The following CDH12 variants were observed in gnomAD, a reference collection of about 807,000 sequenced individuals.
The protein encoded by CDH12 is cadherin 12.
A neutral mutation model predicts 74.1 loss-of-function variants in CDH12; 41 were observed. The observed-to-expected ratio is 0.55, with a 90% confidence interval of 0.43 to 0.72. CDH12 has a LOEUF of 0.72. Among genes scored for constraint, CDH12 ranks in the 30% least tolerant of loss-of-function variants. CDH12 has a pLI of 0.00. For synonymous variants in CDH12, 399 were observed against 355.0 expected, an observed-to-expected ratio of 1.12 and a Z score of -1.39; for missense variants, 945 against 977.2, an observed-to-expected ratio of 0.97 and a Z score of 0.44.
intron 2 of CDH12, among the ~76,000 whole-genome samples, chr5:22,418,080 G>A (rs1743476298): frequency 6.6e-6 from 1 of 152,162 alleles, no homozygotes; most frequent in Non-Finnish European, 1.5e-5. Context: ...TCCTACCCAT[G>A]AGACTGGAAT....
chr5:22,119,802 CT>C (rs1317421574), intron 4 of CDH12, among the ~76,000 whole-genome samples: 1 of 152,108 alleles, frequency 6.6e-6, no homozygotes, highest in African/African-American at 2.4e-5. Flanking sequence ...ATATATCTAA[CT>C]TTCAAATGGC....
chr5:22,339,320 T>A (rs971072940), intron 3 of CDH12, among the ~76,000 whole-genome samples: 1 of 152,206 alleles, frequency 6.6e-6, no homozygotes, highest in East Asian at 1.9e-4. Flanking sequence ...GTGTTTTAAG[T>A]GTTACTTAAA....
At chr5:21,752,323 G>T in intron 14 of CDH12, 87 bp from the exon 15 acceptor site, 3 of 1,257,458 alleles carry the variant, frequency 2.4e-6, no homozygotes, top group Non-Finnish European at 3.3e-6. Flanking sequence ...GATTAGGGGT[G>T]GCTGAGTTTC....
intron 10 of CDH12, among the ~76,000 whole-genome samples, chr5:21,799,573 A>T (rs1162898057): frequency 6.6e-6 from 1 of 152,190 alleles, no homozygotes; most frequent in Non-Finnish European, 1.5e-5. Flanking sequence ...AATAGCAGAA[A>T]CACTGCCAGC....
At chr5:22,809,786 T>G (rs1749041401) in intron 1 of CDH12, among the ~76,000 whole-genome samples, 1 of 152,078 alleles carries the variant, frequency 6.6e-6, no homozygotes, top group African/African-American at 2.4e-5. Flanking sequence ...CTAAACACTT[T>G]AATAACTTGG....
intron 1 of CDH12, among the ~76,000 whole-genome samples, chr5:22,543,392 AG>A (rs1422778954): frequency 2.0e-5 from 3 of 152,184 alleles, no homozygotes; most frequent in Admixed American, 2.0e-4. Flanking sequence ...GATTATAAAA[AG>A]CCTAGCAGAA....
At chr5:21,985,265 TTCTA>T in intron 5 of CDH12, among the ~76,000 whole-genome samples, 1 of 152,208 alleles carries the variant, frequency 6.6e-6, no homozygotes, top group East Asian at 1.9e-4. Context: ...ATCTTTATTG[TTCTA>T]TCTGTTTTAC....
At chr5:22,640,373 A>G (rs933584834) in intron 1 of CDH12, among the ~76,000 whole-genome samples, 3 of 152,196 alleles carry the variant, frequency 2.0e-5, no homozygotes, top group Admixed American at 1.3e-4. Flanking sequence ...CTTAAAACAC[A>G]TATCTCCTAT....
chr5:22,692,786 T>C lies in CDH12; in HGVS notation c.-523+160272A>G, dbSNP rs1742152509. 1.3e-5 allele frequency among the ~76,000 whole-genome samples: 2 copies of C among 152,138 alleles called. 1 individual carries two copies. Among genetic ancestry groups the C allele is most frequent in the South Asian group, 4.1e-4 (2 of 4,826 alleles). On this transcript the variant is annotated intron_variant, in intron 1 of 14. Coordinates refer to ENST00000382254, the MANE Select transcript of CDH12 (RefSeq NM_004061.5). ...GCATGTTCAAATTACATTTGTAAAA[T>C]TGCATTCAAGACCAGAGTTAAGCTT...
rs114223952 is a variant in CDH12, at chr5:21,927,650, G to A, written c.526+47441C>T. Reference sequence around the variant, plus strand: ...ATTCATAATAGTGTTTAGTGTGTGGGGGAAGGAGTAAATTATTAAATTATT... The same window carrying A: ...ATTCATAATAGTGTTTAGTGTGTGGAGGAAGGAGTAAATTATTAAATTATT... On this transcript the variant is annotated intron_variant, in intron 6 of 14. Transcript: ENST00000382254. 7.8e-3 allele frequency among the ~76,000 whole-genome samples: 1,183 copies of A among 152,124 alleles called. 17 individuals carry two copies. The highest frequency in any genetic ancestry group is 0.027 in the African/African-American group (1,121 of 41,516).
intron 12 of CDH12, among the ~76,000 whole-genome samples, chr5:21,763,200 G>A (rs1744824646): frequency 6.6e-6 from 1 of 152,136 alleles, no homozygotes; most frequent in Non-Finnish European, 1.5e-5. Flanking sequence ...ATTATCAAAT[G>A]GAAGAGTAGA....
chr5:22,464,651 C>T (rs1745652128), intron 2 of CDH12, among the ~76,000 whole-genome samples: 1 of 152,152 alleles, frequency 6.6e-6, no homozygotes, highest in Non-Finnish European at 1.5e-5. Context: ...TGTGATTAAT[C>T]CCCACATCCT....
At position 22,505,314 on chromosome 5, in the gene CDH12, G is replaced by A; in HGVS notation, c.-472C>T. 2 of 984,994 alleles carry A rather than the reference G, an allele frequency of 2.0e-6. No individual in the cohort carries two copies. The highest frequency in any genetic ancestry group is 2.4e-6 in the Non-Finnish European group (2 of 829,690). 61.0% of individuals were successfully genotyped at this position (984,994 alleles called of 1,614,324 possible). A position where few individuals can be genotyped will look rare whatever the true frequency, so the allele number is the denominator to read the frequency against. ...CTTTAAAACTCCCAACTGCTCCTGG[G>A]TTCCAGCTTGTCTATATTTCCCAAA... On this transcript the variant is annotated 5_prime_UTR_variant, in exon 2 of 15. Coordinates refer to ENST00000382254, the MANE Select transcript of CDH12 (RefSeq NM_004061.5).
intron 1 of CDH12, among the ~76,000 whole-genome samples, chr5:22,760,678 C>CAA (rs11284255): frequency 0.032 from 1,998 of 62,366 alleles, 2 homozygotes; most frequent in Non-Finnish European, 0.036. Flanking sequence ...GACTCCGTCT[C>CAA]AAAAAAAAAA....
At chr5:22,204,305 C>A (rs1191210442) in intron 4 of CDH12, among the ~76,000 whole-genome samples, 2 of 152,074 alleles carry the variant, frequency 1.3e-5, no homozygotes, top group Non-Finnish European at 2.9e-5. Context: ...GGACTACAGG[C>A]ACCCGTCACC....
chr5:21,783,626 A>G, intron 10 of CDH12, 132 bp from the exon 11 acceptor site: 1 of 655,406 alleles, frequency 1.5e-6, no homozygotes, highest in Non-Finnish European at 2.7e-6. Flanking sequence ...AGAAGACTGT[A>G]AATGACAGCT....
intron 1 of CDH12, among the ~76,000 whole-genome samples, chr5:22,722,166 C>T (rs777729262): frequency 8.5e-5 from 13 of 152,290 alleles, no homozygotes; most frequent in South Asian, 4.1e-4. Context: ...ATTTGTTTCC[C>T]TACTGTTTGT....
intron 3 of CDH12, among the ~76,000 whole-genome samples, chr5:22,217,426 A>G (rs1164058155): frequency 6.6e-6 from 1 of 151,776 alleles, no homozygotes; most frequent in East Asian, 1.9e-4. Context: ...TGTGTTTTTA[A>G]AAGCACATTT....
intron 1 of CDH12, among the ~76,000 whole-genome samples, chr5:22,818,416 T>G (rs911980342): frequency 4.6e-5 from 7 of 152,108 alleles, no homozygotes; most frequent in Non-Finnish European, 1.0e-4. Flanking sequence ...CTCATCTTCC[T>G]CCATCCCTTT....
Sources: gnomAD v4.1 joint callset for allele counts (sites outside exome capture counted in the v4.1 genomes callset) on GRCh38, gnomAD v4.1.1 for gene constraint, MANE v1.5 for transcripts, NCBI Gene and HGNC (gene_info 2026-07-23, HGNC 2026-07-21) for gene names.